CMIP: variants seen among roughly 807,000 people sequenced by gnomAD.
CMIP encodes c-Maf inducing protein, also known as C-Maf-inducing protein.
A neutral mutation model predicts 97.3 loss-of-function variants in CMIP; 13 were observed. That is an observed-to-expected ratio of 0.13 (90% CI 0.09 to 0.21). The LOEUF is 0.21. Among genes scored for constraint, CMIP ranks in the 10% least tolerant of loss-of-function variants. The probability of loss-of-function intolerance (pLI) is 1.00; values close to 1 mark genes in which losing one functional copy is unlikely to be tolerated. For missense variants in CMIP, 847 were observed against 1,024.9 expected (o/e 0.83, Z 2.37); for synonymous variants, 538 against 436.3 (o/e 1.23, Z -2.91).
intron 16 of CMIP, 60 bp downstream of exon 16, chr16:81,701,860 G>C: frequency 6.3e-7 from 1 of 1,599,478 alleles, no homozygotes; most frequent in Non-Finnish European, 8.5e-7. Context: ...GGGCCAGGGC[G>C]GGATGCGGGG....
At chr16:81,660,757 T>C in intron 5 of CMIP, 127 bp from the exon 6 acceptor site, 1 of 953,972 alleles carries the variant, frequency 1.0e-6, no homozygotes. Context: ...TTAATATGAA[T>C]GATGTGATGC....
In CMIP at chr16:81,652,137, T is replaced by C; in HGVS notation, c.478-66T>C. 7.5e-7 allele frequency: 1 copy of C among 1,330,612 alleles called. No individual in the cohort carries two copies. Among genetic ancestry groups the C allele is most frequent in the Non-Finnish European group, 1.1e-6 (1 of 935,668 alleles). The allele number at this position is 1,330,612 out of a possible 1,614,324, so 82.4% of individuals were successfully genotyped here. ...ACCCTAACCCATCTGATTCTTTGAT[T>C]GTCTTCCATCTTCTGCCTTCCTTAC... is the stretch of plus-strand genomic sequence containing the variant. On this transcript the variant is annotated intron_variant, in intron 3 of 20. Coordinates refer to ENST00000537098, the MANE Select transcript of CMIP (RefSeq NM_198390.3). The surrounding 1 kb of genome is among the most constrained non-coding windows in gnomAD (Gnocchi z 5.2).
chr16:81,668,621 G>GGCCT (rs779235247), intron 7 of CMIP, among the ~76,000 whole-genome samples: 3 of 152,128 alleles, frequency 2.0e-5, no homozygotes, highest in Non-Finnish European at 2.9e-5. Context: ...TAGTTCCGGG[G>GGCCT]GCCTGGTGCA....
intron 1 of CMIP, among the ~76,000 whole-genome samples, chr16:81,448,791 G>A (rs1467460674): frequency 6.6e-6 from 1 of 152,244 alleles, no homozygotes; most frequent in East Asian, 1.9e-4. Context: ...GGAGGCCAGG[G>A]CCCCCTCCCT....
At chr16:81,495,560 C>A in intron 1 of CMIP, 1 of 1,557,796 alleles carries the variant, frequency 6.4e-7, no homozygotes, top group Non-Finnish European at 8.8e-7. Flanking sequence ...TCGCCTGCTG[C>A]TGCTGGCCAC....
chr16:81,709,300 C>T lies in CMIP; in HGVS notation c.2269-446C>T, dbSNP rs562763541. On this transcript the variant is annotated intron_variant, in intron 20 of 20. Coordinates refer to ENST00000537098, the MANE Select transcript of CMIP (RefSeq NM_198390.3). Reference sequence around the variant, plus strand: ...ATGAGAACAATTTCCTTTCATAGGGCATATACGGTGCCCTGGGCTTTCTAC... The same window carrying T: ...ATGAGAACAATTTCCTTTCATAGGGTATATACGGTGCCCTGGGCTTTCTAC... 2.0e-5 allele frequency among the ~76,000 whole-genome samples: 3 copies of T among 152,280 alleles called. No individual in the cohort carries two copies. The South Asian group carries it at 6.2e-4, about 32-fold the overall frequency.
intron 1 of CMIP, among the ~76,000 whole-genome samples, chr16:81,525,590 C>T (rs1247495087): frequency 6.6e-6 from 1 of 152,134 alleles, no homozygotes; most frequent in Admixed American, 6.5e-5. Flanking sequence ...TGGTTCTCCT[C>T]CGTCAGCCTC....
At chr16:81,520,305 G>C (rs2089995038) in intron 1 of CMIP, 1 of 152,182 alleles carries the variant, frequency 6.6e-6, no homozygotes, top group South Asian at 2.1e-4. Context: ...TTCTACCTCA[G>C]AGACTCTGGG....
chr16:81,592,831 G>A (rs1244513348), intron 1 of CMIP, among the ~76,000 whole-genome samples: 1 of 152,228 alleles, frequency 6.6e-6, no homozygotes, highest in Non-Finnish European at 1.5e-5. Flanking sequence ...GTGAGGACCT[G>A]GCATGTGGCA....
chr16:81,471,235 C>T (rs1235726829), intron 1 of CMIP, among the ~76,000 whole-genome samples: 1 of 152,128 alleles, frequency 6.6e-6, no homozygotes, highest in Non-Finnish European at 1.5e-5. Flanking sequence ...CATACATGCA[C>T]ACATAGAAAT....
chr16:81,453,231 G>T lies in CMIP; in HGVS notation c.300+7690G>T, dbSNP rs376631359. 1.2e-4 allele frequency among the ~76,000 whole-genome samples: 18 copies of T among 152,224 alleles called. No individual in the cohort carries two copies. The highest frequency in any genetic ancestry group is 3.6e-4 in the African/African-American group (15 of 41,448). ...TGCTTTCAAGCTACTGTCAGAAATG[G>T]TAGGGTGGACGGAGCGACTAAACTG... On this transcript the variant is annotated intron_variant, in intron 1 of 20. Transcript: ENST00000537098. The surrounding 1 kb of genome is among the most constrained non-coding windows in gnomAD (Gnocchi z 4.0).
rs1435430065 is a variant in CMIP, at chr16:81,444,953, C to G, written c.-289C>G. Among the ~76,000 whole-genome samples, 1 of 140,900 alleles carries G rather than the reference C, an allele frequency of 7.1e-6. No individual in the cohort carries two copies. The highest frequency in any genetic ancestry group is 1.6e-5 in the Non-Finnish European group (1 of 63,554). 92.4% of individuals were successfully genotyped at this position (140,900 alleles called of 152,430 possible). A position where few individuals can be genotyped will look rare whatever the true frequency, so the allele number is the denominator to read the frequency against. Reference sequence around the variant, plus strand: ...TGGCCCCGGCCCGCCCTCGGCCTCCCCCGCCCCTCCCCGTCGCCCGCCGAG... The same window carrying G: ...TGGCCCCGGCCCGCCCTCGGCCTCCGCCGCCCCTCCCCGTCGCCCGCCGAG... On this transcript the variant is annotated 5_prime_UTR_variant, in exon 1 of 21. Coordinates refer to ENST00000537098, the MANE Select transcript of CMIP (RefSeq NM_198390.3).
chr16:81,658,719 A>T (rs1367640424), intron 5 of CMIP, among the ~76,000 whole-genome samples: 1 of 152,266 alleles, frequency 6.6e-6, no homozygotes, highest in Admixed American at 6.5e-5. Context: ...GGAAATGAGA[A>T]GCAGGCGGAT....
intron 2 of CMIP, among the ~76,000 whole-genome samples, chr16:81,615,078 G>T (rs2091892611): frequency 3.3e-5 from 4 of 120,164 alleles, no homozygotes; most frequent in African/African-American, 6.4e-5. Context: ...TGTCTGTGTG[G>T]TATGTCTTTG....
chr16:81,592,960 C>T (rs1437178876), intron 1 of CMIP, among the ~76,000 whole-genome samples: 1 of 152,222 alleles, frequency 6.6e-6, no homozygotes, highest in Non-Finnish European at 1.5e-5. Context: ...GCAAAGGTGC[C>T]CAGTGGCACA....
At chr16:81,492,746 G>A (rs1020757269) in intron 1 of CMIP, among the ~76,000 whole-genome samples, 1 of 152,240 alleles carries the variant, frequency 6.6e-6, no homozygotes, top group South Asian at 2.1e-4. Flanking sequence ...CCACGGAAAC[G>A]GCAGGCAGCC....
At chr16:81,647,602 C>T (rs2092378184) in intron 3 of CMIP, among the ~76,000 whole-genome samples, 2 of 152,114 alleles carry the variant, frequency 1.3e-5, no homozygotes, top group Admixed American at 6.5e-5. Flanking sequence ...CCAGGCCACC[C>T]ACCCCACCTG....
intron 1 of CMIP, among the ~76,000 whole-genome samples, chr16:81,480,231 C>A (rs1258455511): frequency 6.6e-6 from 1 of 152,206 alleles, no homozygotes; most frequent in Non-Finnish European, 1.5e-5. Flanking sequence ...CTTACCCAAG[C>A]TCTCTCAGCT....
chr16:81,530,003 C>A (rs1239294867), intron 1 of CMIP, among the ~76,000 whole-genome samples: 2 of 152,146 alleles, frequency 1.3e-5, no homozygotes, highest in East Asian at 1.9e-4. Flanking sequence ...TACGAGGGTC[C>A]GCATTAACAG....
Sources: allele counts gnomAD v4.1 joint callset (sites outside exome capture counted in the v4.1 genomes callset), GRCh38; gene constraint gnomAD v4.1.1; non-coding constraint Gnocchi (gnomAD v3.1); transcripts MANE v1.5; gene names NCBI Gene and HGNC (gene_info 2026-07-23, HGNC 2026-07-21).